IFT88: variants seen among roughly 807,000 people sequenced by gnomAD.
The protein encoded by IFT88 is intraflagellar transport 88, also known as intraflagellar transport protein 88 homolog.
Under a neutral mutation model 119.5 loss-of-function variants are expected in IFT88, and 74 were observed. That is an observed-to-expected ratio of 0.62 (90% CI 0.51 to 0.75). The LOEUF is 0.75. Among genes scored for constraint, IFT88 ranks in the 30% least tolerant of loss-of-function variants. The pLI is 0.00. For missense variants in IFT88, 961 were observed against 977.7 expected (o/e 0.98, Z 0.23); for synonymous variants, 279 against 316.7 (o/e 0.88, Z 1.26).
intron 1 of IFT88, among the ~76,000 whole-genome samples, chr13:20,570,034 G>A (rs901019940): frequency 3.6e-5 from 3 of 82,406 alleles, no homozygotes; most frequent in Admixed American, 1.5e-4. Flanking sequence ...GCAAGATTCC[G>A]TCTCAAAAAA....
chr13:20,665,042 GC>G (rs2054454548), intron 23 of IFT88, among the ~76,000 whole-genome samples: 2 of 150,764 alleles, frequency 1.3e-5, no homozygotes. Flanking sequence ...TCCTGCCACT[GC>G]ACTCCAGCCT....
In IFT88 at chr13:20,690,618, G is replaced by T. The variant is rs115942298; in HGVS notation, c.2243-87G>T. 4.7e-6 allele frequency: 4 copies of T among 842,748 alleles called. No individual in the cohort carries two copies. In the Admixed American group the frequency reaches 5.9e-5, roughly 12 times the overall value. 52.2% of individuals were successfully genotyped at this position (842,748 alleles called of 1,614,324 possible). On this transcript the variant is annotated intron_variant, in intron 24 of 25. Coordinates refer to ENST00000351808, the MANE Select transcript of IFT88 (RefSeq NM_006531.5). The stretch of plus-strand genomic sequence containing the variant: ...AATTAAACAACCTGCTTGTTTCTTG[G>T]CAAATAAGTATGCTTTAAGATGCAT...
Position 20,646,726 on chromosome 13 carries a change from G to C in IFT88, c.1949+1768G>C, listed in dbSNP as rs116776281. Among the ~76,000 whole-genome samples, 1,150 of 150,980 alleles carry C rather than the reference G, an allele frequency of 7.6e-3. 18 individuals carry two copies. The highest frequency in any genetic ancestry group is 0.027 in the African/African-American group (1,107 of 41,108). ...CAGTGCATTTTTCTTTGGTGATATT[G>C]AGACCTCCCCTCTTGACCTTCCCCT... On this transcript the variant is annotated intron_variant, in intron 20 of 25. Transcript: ENST00000351808.
chr13:20,644,444 T>C (rs1003765692), intron 19 of IFT88, among the ~76,000 whole-genome samples: 6 of 152,114 alleles, frequency 3.9e-5, no homozygotes, highest in Admixed American at 2.6e-4. Flanking sequence ...GAGGTTGTAG[T>C]GAGCCAAGAT....
intron 22 of IFT88, 128 bp from the exon 23 acceptor site, chr13:20,663,370 G>A (rs779087703): frequency 6.5e-7 from 1 of 1,530,762 alleles, no homozygotes; most frequent in East Asian, 2.5e-5. Context: ...TTATTTTTCA[G>A]GAGAAAAATA....
intron 13 of IFT88, among the ~76,000 whole-genome samples, chr13:20,613,629 A>G (rs1167734105): frequency 6.6e-6 from 1 of 151,996 alleles, no homozygotes; most frequent in African/African-American, 2.4e-5. Context: ...TTGTATACAG[A>G]TTTTCTTAGT....
intron 20 of IFT88, among the ~76,000 whole-genome samples, chr13:20,648,943 A>G (rs1014734453): frequency 5.3e-5 from 8 of 152,210 alleles, no homozygotes; most frequent in African/African-American, 1.4e-4. Flanking sequence ...GAATGATGCT[A>G]TATATTGGTA....
chr13:20,598,433 C>T (rs1306126533), intron 9 of IFT88, among the ~76,000 whole-genome samples: 1 of 152,146 alleles, frequency 6.6e-6, no homozygotes, highest in Non-Finnish European at 1.5e-5. Context: ...AAATAGAATA[C>T]ATAGAAAATT....
At chr13:20,671,961 C>T (rs1210805604) in intron 24 of IFT88, among the ~76,000 whole-genome samples, 1 of 152,062 alleles carries the variant, frequency 6.6e-6, no homozygotes, top group Non-Finnish European at 1.5e-5. Flanking sequence ...ATACTGTGTG[C>T]CAAACACTGT....
At chr13:20,678,910 C>T (rs1280684575) in intron 24 of IFT88, among the ~76,000 whole-genome samples, 1 of 152,196 alleles carries the variant, frequency 6.6e-6, no homozygotes, top group Non-Finnish European at 1.5e-5. Context: ...TCATTGAAAT[C>T]ACAGAGCCTC....
At chr13:20,684,216 C>CT (rs2057633977) in intron 24 of IFT88, among the ~76,000 whole-genome samples, 1 of 152,182 alleles carries the variant, frequency 6.6e-6, no homozygotes, top group South Asian at 2.1e-4. Flanking sequence ...GGATTCCTGC[C>CT]TAAATGGAAC....
intron 14 of IFT88, among the ~76,000 whole-genome samples, chr13:20,619,032 A>G (rs1282580712): frequency 6.6e-6 from 1 of 151,706 alleles, no homozygotes; most frequent in South Asian, 2.1e-4. Context: ...AATTTTTTGT[A>G]TTTTTAGTTG....
intron 20 of IFT88, among the ~76,000 whole-genome samples, chr13:20,647,270 C>A (rs2050899679): frequency 6.6e-6 from 1 of 152,098 alleles, no homozygotes; most frequent in South Asian, 2.1e-4. Flanking sequence ...GTTTTCTATA[C>A]CATATATCTT....
At chr13:20,625,918 A>T in intron 15 of IFT88, 69 bp downstream of exon 15, 1 of 655,666 alleles carries the variant, frequency 1.5e-6, no homozygotes, top group Non-Finnish European at 2.6e-6. Context: ...AAACAGGTAA[A>T]CTCCTTTCTA....
chr13:20,637,326 T>C (rs1324846581), intron 16 of IFT88, among the ~76,000 whole-genome samples: 1 of 152,220 alleles, frequency 6.6e-6, no homozygotes, highest in East Asian at 1.9e-4. Flanking sequence ...GGACGGTCAC[T>C]GTGAGTGTTA....
At chr13:20,619,459 T>C (rs1013353725) in intron 14 of IFT88, among the ~76,000 whole-genome samples, 1 of 152,200 alleles carries the variant, frequency 6.6e-6, no homozygotes, top group African/African-American at 2.4e-5. Context: ...TTTAAAAGCA[T>C]CATATAAATG....
At chr13:20,600,408 A>G (rs1435921582) in intron 11 of IFT88, among the ~76,000 whole-genome samples, 4 of 152,160 alleles carry the variant, frequency 2.6e-5, no homozygotes, top group Non-Finnish European at 5.9e-5. Flanking sequence ...TTTATGAAGG[A>G]GGCATACTTG....
rs137918809 is a variant in IFT88, at chr13:20,625,763, G to A, written c.1213G>A (p.Val405Met). 4 of 1,602,594 alleles carry A rather than the reference G, an allele frequency of 2.5e-6. No homozygotes were observed. The African/African-American group carries it at 5.4e-5, about 22-fold the overall frequency. ...AAGYDWCVEV[V>M]KASQYVELAN... ...TTTCCCTTATAGGTGCGTGGAAGTGGTGAAAGCTTCTCAATATGTAGAGCT... is the reference window on the plus strand; with the variant it reads ...TTTCCCTTATAGGTGCGTGGAAGTGATGAAAGCTTCTCAATATGTAGAGCT... The change falls in exon 15 of 26, where the codon GTG (valine) becomes ATG (methionine). Residue 405 changes from valine (V) to methionine (M), a missense_variant. Physicochemically the swap from Val to Met is conservative, Grantham distance 21 (BLOSUM62 1). Transcript: ENST00000351808.
chr13:20,624,283 CAGGGATGCATAAGGTGAACTATGAGAGA>C (rs1257665954), intron 14 of IFT88, among the ~76,000 whole-genome samples: 1 of 151,972 alleles, frequency 6.6e-6, no homozygotes, highest in Admixed American at 6.6e-5. Flanking sequence ...GATAGTGATG[CAGGGATGCATAAGGTGAACTATGAGAGA>C]AGGGGCATGG....
Sources: gnomAD v4.1 joint callset for allele counts (sites outside exome capture counted in the v4.1 genomes callset) on GRCh38, gnomAD v4.1.1 for gene constraint, MANE v1.5 for transcripts, NCBI Gene and HGNC (gene_info 2026-07-23, HGNC 2026-07-21) for gene names.